Variants in PCM1 observed in about 807,000 individuals in gnomAD.
The protein encoded by PCM1 is pericentriolar material 1, also known as pericentriolar material 1 protein.
PCM1 carries 157 observed loss-of-function variants against 241.9 expected under a neutral mutation model. That is an observed-to-expected ratio of 0.65 (90% CI 0.57 to 0.74). The LOEUF (loss-of-function observed/expected upper bound fraction) is 0.74. Among genes scored for constraint, PCM1 ranks in the 30% least tolerant of loss-of-function variants. PCM1 has a pLI of 0.00. For synonymous variants in PCM1, 1,085 were observed against 784.9 expected, an observed-to-expected ratio of 1.38 and a Z score of -6.39; for missense variants, 3,478 against 2,360.1, an observed-to-expected ratio of 1.47 and a Z score of -9.81.
Position 17,985,536 on chromosome 8 carries a change from C to G in PCM1, c.4198C>G (p.Pro1400Ala). The G allele has an allele frequency of 6.3e-7, 1 of 1,594,940 alleles. No individual in the cohort carries two copies. The highest frequency in any genetic ancestry group is 1.1e-5 in the South Asian group (1 of 88,242). Residue 1400 changes from proline (P) to alanine (A), a missense_variant, in exon 25 of 39, where the codon CCA becomes GCA. Coordinates refer to ENST00000325083, the MANE Select transcript of PCM1 (RefSeq NM_006197.4). Reference sequence around the variant, plus strand: ...ATTAATTTCTCAAAATGAATCTCGTCCACATTTTCTTATTGAACTCTTCCA... The same window carrying G: ...ATTAATTTCTCAAAATGAATCTCGTGCACATTTTCTTATTGAACTCTTCCA... Reference protein sequence around the residue: ...ATLISQNESRPHFLIELFHEL... With the variant: ...ATLISQNESRAHFLIELFHEL...
intron 23 of PCM1, among the ~76,000 whole-genome samples, chr8:17,976,761 G>A (rs1354272956): frequency 1.3e-5 from 2 of 151,646 alleles, no homozygotes; most frequent in Non-Finnish European, 2.9e-5. Context: ...GAGTGGTGAA[G>A]TGGCATAGGC....
At chr8:18,019,177 A>G (rs897607564) in intron 36 of PCM1, among the ~76,000 whole-genome samples, 11 of 152,056 alleles carry the variant, frequency 7.2e-5, no homozygotes, top group Admixed American at 2.6e-4. Flanking sequence ...CTGAAGCTCT[A>G]TCTTGTTTTT....
At chr8:17,951,113 A>G (rs538524357) in intron 8 of PCM1, among the ~76,000 whole-genome samples, 4 of 152,350 alleles carry the variant, frequency 2.6e-5, no homozygotes, top group East Asian at 1.9e-4. Context: ...ATGGGATTCT[A>G]TACAGCCTTG....
intron 5 of PCM1, 106 bp downstream of exon 5, chr8:17,939,115 A>G (rs1022397123): frequency 2.3e-5 from 24 of 1,049,952 alleles, no homozygotes; most frequent in Non-Finnish European, 3.2e-5. Context: ...GTTGGGTGGA[A>G]TTAAAGTGCT....
chr8:17,947,929 G>C (rs1030208304), intron 7 of PCM1, among the ~76,000 whole-genome samples: 4 of 152,124 alleles, frequency 2.6e-5, no homozygotes, highest in Admixed American at 6.5e-5. Flanking sequence ...ATAGCCATGT[G>C]TGAATTAGAT....
At chr8:17,972,267 T>G in intron 22 of PCM1, 62 bp from the exon 23 acceptor site, 1 of 894,740 alleles carries the variant, frequency 1.1e-6, no homozygotes, top group Non-Finnish European at 1.6e-6. Context: ...ATAAATTCAG[T>G]GTATTTGGAG....
At chr8:17,928,452 C>A (rs2057839417) in intron 2 of PCM1, among the ~76,000 whole-genome samples, 1 of 152,086 alleles carries the variant, frequency 6.6e-6, no homozygotes, top group Non-Finnish European at 1.5e-5. Context: ...CAGCCTCCAA[C>A]CCATTCCATC....
chr8:17,995,651 C>T (rs950109295), intron 29 of PCM1, among the ~76,000 whole-genome samples: 7 of 149,926 alleles, frequency 4.7e-5, no homozygotes, highest in East Asian at 3.9e-4. Flanking sequence ...TAGATTGCTT[C>T]GGGGAGTACA....
chr8:17,984,897 G>A (rs547509608), intron 24 of PCM1, among the ~76,000 whole-genome samples: 113 of 151,968 alleles, frequency 7.4e-4, no homozygotes, highest in Non-Finnish European at 1.2e-3. Flanking sequence ...ATTATGTTAG[G>A]TTACAGATTT....
chr8:17,948,308 TTTTTTTTTTTTTTG>T (rs2064629112), intron 7 of PCM1, among the ~76,000 whole-genome samples: 1 of 141,618 alleles, frequency 7.1e-6, no homozygotes, highest in Admixed American at 7.1e-5. Context: ...TTTTTTTTTT[TTTTTTTTTTTTTTG>T]GAGACAGAGT....
chr8:18,027,715 G>GAA lies in PCM1; in HGVS notation c.*56_*57dup, dbSNP rs1416557227. ...GTCCTTACATACTCAATGCATATAT[G>GAA]AAAACAATACTAAATAAACATCTGA... On this transcript the variant is annotated 3_prime_UTR_variant, in exon 39 of 39. Transcript: ENST00000325083. 3 of 1,289,600 alleles carry GAA rather than the reference G, an allele frequency of 2.3e-6. No homozygotes were observed. The highest frequency in any genetic ancestry group is 3.3e-6 in the Non-Finnish European group (3 of 905,614). 79.9% of individuals were successfully genotyped at this position (1,289,600 alleles called of 1,614,324 possible). A position where few individuals can be genotyped will look rare whatever the true frequency, so the allele number is the denominator to read the frequency against.
At chr8:17,983,851 G>C (rs549953456) in intron 24 of PCM1, among the ~76,000 whole-genome samples, 1 of 152,172 alleles carries the variant, frequency 6.6e-6, no homozygotes, top group South Asian at 2.1e-4. Context: ...TGAATGAAAA[G>C]TAAAAGCCAG....
chr8:17,968,285 A>G (rs571186280), intron 21 of PCM1, among the ~76,000 whole-genome samples: 28 of 152,206 alleles, frequency 1.8e-4, no homozygotes, highest in South Asian at 6.2e-4. Context: ...AAACAAGCTT[A>G]GGTTTTATAT....
At chr8:17,946,350 T>C (rs1314146129) in intron 6 of PCM1, among the ~76,000 whole-genome samples, 1 of 152,216 alleles carries the variant, frequency 6.6e-6, no homozygotes, top group Non-Finnish European at 1.5e-5. Context: ...GATAATATGA[T>C]GTGATTAAAT....
intron 2 of PCM1, among the ~76,000 whole-genome samples, chr8:17,929,836 G>C (rs2058398227): frequency 6.6e-6 from 1 of 152,186 alleles, no homozygotes. Context: ...GGCTCAGTAA[G>C]AGATTAACAA....
At chr8:17,992,935 G>T (rs1353778894) in intron 28 of PCM1, among the ~76,000 whole-genome samples, 30 of 123,914 alleles carry the variant, frequency 2.4e-4, no homozygotes, top group South Asian at 1.3e-3. Context: ...CTTTTTGATG[G>T]TTTTTTTTTT....
In PCM1 at chr8:17,967,094, T is replaced by A; in HGVS notation, c.3336T>A (p.Cys1112Ter). ...ACCCTCCTTCTCCCAGTTTATTTTG[T>A]CCTTTCAGCTTTCCAACACAGCCTG... ...ASHPPSPSLF[C>*]PFSFPTQPVN... is the part of the protein sequence containing the mutation. Residue 1112 changes from cysteine (C) to a stop codon, truncating the protein, a stop_gained, in exon 21 of 39, where the codon TGT becomes TGA. Transcript: ENST00000325083. LOFTEE classifies it high-confidence loss of function. The A allele has an allele frequency of 6.2e-7, 1 of 1,608,110 alleles. No homozygotes were observed. Among genetic ancestry groups the A allele is most frequent in the Non-Finnish European group, 8.5e-7 (1 of 1,176,972 alleles).
chr8:17,946,754 G>A (rs1046786495), intron 6 of PCM1, among the ~76,000 whole-genome samples: 12 of 151,806 alleles, frequency 7.9e-5, no homozygotes, highest in Non-Finnish European at 1.3e-4. Flanking sequence ...TCGGCCTCCC[G>A]AAGTGCTAGG....
At position 17,939,827 on chromosome 8, in the gene PCM1, A is replaced by G. The variant is rs1457524246; in HGVS notation, c.749A>G (p.Glu250Gly). Reference sequence around the variant, plus strand: ...CTAATAGATCACCTTAAAGAACAAGAGAAGTCATATATGAAATTTCTTAAA... The same window carrying G: ...CTAATAGATCACCTTAAAGAACAAGGGAAGTCATATATGAAATTTCTTAAA... ...THLIDHLKEQ[E>G]KSYMKFLKKI... Residue 250 changes from glutamate (E) to glycine (G), a missense_variant, in exon 6 of 39, where the codon GAG becomes GGG. Glu to Gly is a moderately conservative substitution (Grantham distance 98). Transcript: ENST00000325083. 2.0e-6 allele frequency: 3 copies of G among 1,518,592 alleles called. No homozygotes were observed. Among genetic ancestry groups the G allele is most frequent in the African/African-American group, 1.4e-5 (1 of 72,064 alleles). The allele number at this position is 1,518,592 out of a possible 1,614,324, so 94.1% of individuals were successfully genotyped here.
Sources: allele counts gnomAD v4.1 joint callset (sites outside exome capture counted in the v4.1 genomes callset), GRCh38; gene constraint gnomAD v4.1.1; transcripts MANE v1.5; gene names NCBI Gene and HGNC (gene_info 2026-07-23, HGNC 2026-07-21).